The following EXOC6B variants were observed in gnomAD, a reference collection of about 807,000 sequenced individuals.
EXOC6B encodes the protein SEC15 homolog B.
In EXOC6B, 54 loss-of-function variants were observed where a neutral mutation model predicts 113.5. The observed-to-expected ratio is 0.48, with a 90% CI of 0.38 to 0.60. The LOEUF is 0.60. EXOC6B is among the 20% of genes least tolerant of loss of function. The pLI is 0.00. For missense variants in EXOC6B, 797 were observed against 977.5 expected, an observed-to-expected ratio of 0.82 and a Z score of 2.46; for synonymous variants, 357 against 339.0, an observed-to-expected ratio of 1.05 and a Z score of -0.58.
chr2:72,659,586 T>C (rs77628505), intron 6 of EXOC6B, among the ~76,000 whole-genome samples: 1 of 152,134 alleles, frequency 6.6e-6, no homozygotes, highest in South Asian at 2.1e-4. Flanking sequence ...TTTGTTTTGA[T>C]TGGGGTTTTT....
At chr2:72,188,162 C>T (rs1678570434) in intron 20 of EXOC6B, among the ~76,000 whole-genome samples, 1 of 152,124 alleles carries the variant, frequency 6.6e-6, no homozygotes, top group South Asian at 2.1e-4. Context: ...CTTGCCTGCT[C>T]CCCAGCTCCC....
intron 20 of EXOC6B, among the ~76,000 whole-genome samples, chr2:72,230,719 A>T (rs1445482789): frequency 6.6e-6 from 1 of 152,220 alleles, no homozygotes; most frequent in African/African-American, 2.4e-5. Flanking sequence ...TAAGTGTGCA[A>T]TTGTTAGATA....
rs1703077933 is a variant in EXOC6B at position 72,549,264 on chromosome 2, C to T, written c.915+10189G>A. The stretch of plus-strand genomic sequence containing the variant: ...CAATCACAGAATTGTAAGCAGCTAA[C>T]ATATATATCAGATTTGTATGTTGAA... On this transcript the variant is annotated intron_variant, in intron 8 of 21. Coordinates refer to ENST00000272427, the MANE Select transcript of EXOC6B (RefSeq NM_015189.3). Among the ~76,000 whole-genome samples the T allele has an allele frequency of 2.6e-5, 4 of 152,058 alleles. No individual in the cohort carries two copies. The East Asian group carries it at 7.7e-4, about 29-fold the overall frequency.
chr2:72,446,691 G>A (rs756988250), intron 18 of EXOC6B, among the ~76,000 whole-genome samples: 3 of 152,158 alleles, frequency 2.0e-5, no homozygotes, highest in African/African-American at 4.8e-5. Context: ...ATACCTGGGT[G>A]ATGAAATAAT....
At chr2:72,627,765 G>T (rs975687401) in intron 6 of EXOC6B, among the ~76,000 whole-genome samples, 2 of 152,146 alleles carry the variant, frequency 1.3e-5, no homozygotes, top group African/African-American at 4.8e-5. Context: ...TAACTCGCAA[G>T]AAATTCCTCT....
intron 18 of EXOC6B, among the ~76,000 whole-genome samples, chr2:72,421,763 G>C (rs2105263421): frequency 6.6e-6 from 1 of 152,332 alleles, no homozygotes; most frequent in Non-Finnish European, 1.5e-5. Context: ...GCTGCACTGT[G>C]GGAGCCCCTT....
intron 18 of EXOC6B, among the ~76,000 whole-genome samples, chr2:72,427,532 G>A (rs1358038023): frequency 2.6e-5 from 4 of 152,218 alleles, no homozygotes; most frequent in African/African-American, 9.6e-5. Context: ...ACATGTTCGG[G>A]AGCAGCACTG....
chr2:72,422,230 G>A (rs1014359929), intron 18 of EXOC6B, among the ~76,000 whole-genome samples: 3 of 152,224 alleles, frequency 2.0e-5, no homozygotes, highest in African/African-American at 7.2e-5. Flanking sequence ...CGCGGGACTG[G>A]CAGACAGCTC....
intron 20 of EXOC6B, among the ~76,000 whole-genome samples, chr2:72,294,599 A>G (rs1022651817): frequency 6.6e-6 from 1 of 152,138 alleles, no homozygotes; most frequent in Non-Finnish European, 1.5e-5. Context: ...GTAGGGACAC[A>G]ATCTATTTAC....
chr2:72,352,646 C>A (rs1689721264), intron 19 of EXOC6B, among the ~76,000 whole-genome samples: 1 of 150,048 alleles, frequency 6.7e-6, no homozygotes, highest in Admixed American at 6.6e-5. Context: ...TAAATGTTGG[C>A]ATGCTGGAGT....
At chr2:72,483,875 T>C (rs903725609) in intron 16 of EXOC6B, among the ~76,000 whole-genome samples, 17 of 152,224 alleles carry the variant, frequency 1.1e-4, no homozygotes, top group Admixed American at 1.0e-3. Context: ...TTACAATATA[T>C]AACACTGCAG....
intron 20 of EXOC6B, among the ~76,000 whole-genome samples, chr2:72,207,203 G>A (rs1463882887): frequency 1.3e-5 from 2 of 152,158 alleles, no homozygotes; most frequent in East Asian, 3.9e-4. Context: ...CTTATTGATG[G>A]GTATTTTGAG....
chr2:72,203,999 G>A (rs1559012595), intron 20 of EXOC6B, among the ~76,000 whole-genome samples: 1 of 152,122 alleles, frequency 6.6e-6, no homozygotes, highest in Non-Finnish European at 1.5e-5. Context: ...CCCTACAATG[G>A]GAAGGAACTT....
intron 19 of EXOC6B, among the ~76,000 whole-genome samples, chr2:72,368,065 A>T (rs1690751776): frequency 6.6e-6 from 1 of 152,178 alleles, no homozygotes; most frequent in Non-Finnish European, 1.5e-5. Flanking sequence ...TAACCCAGCC[A>T]GGGCAGCTAA....
At chr2:72,447,181 A>G (rs1390518877) in intron 18 of EXOC6B, among the ~76,000 whole-genome samples, 1 of 152,208 alleles carries the variant, frequency 6.6e-6, no homozygotes, top group Non-Finnish European at 1.5e-5. Flanking sequence ...ACCTCTAAAA[A>G]CCAAATTTAT....
At chr2:72,494,306 T>A (rs1699917695) in intron 15 of EXOC6B, among the ~76,000 whole-genome samples, 1 of 152,108 alleles carries the variant, frequency 6.6e-6, no homozygotes, top group African/African-American at 2.4e-5. Context: ...TTATCTGATA[T>A]AAGGTCACTT....
At chr2:72,543,428 A>ATAT (rs1482360471) in intron 8 of EXOC6B, among the ~76,000 whole-genome samples, 2 of 152,022 alleles carry the variant, frequency 1.3e-5, no homozygotes, top group Non-Finnish European at 2.9e-5. Flanking sequence ...TTTACATGAG[A>ATAT]TATTATTATT....
At chr2:72,486,021 T>C (rs1456141213) in intron 16 of EXOC6B, among the ~76,000 whole-genome samples, 1 of 152,242 alleles carries the variant, frequency 6.6e-6, no homozygotes. Flanking sequence ...TCTTTAGAAC[T>C]AGTATTGATA....
intron 8 of EXOC6B, among the ~76,000 whole-genome samples, chr2:72,547,803 C>T (rs1217552698): frequency 6.6e-6 from 1 of 152,100 alleles, no homozygotes; most frequent in Non-Finnish European, 1.5e-5. Context: ...ATAGCCCACC[C>T]GTCTTTATAA....
Sources: gnomAD v4.1 joint callset for allele counts (sites outside exome capture counted in the v4.1 genomes callset) on GRCh38, gnomAD v4.1.1 for gene constraint, MANE v1.5 for transcripts, NCBI Gene and HGNC (gene_info 2026-07-23, HGNC 2026-07-21) for gene names.